The following SCN9A variants were observed in gnomAD, a reference collection of about 807,000 sequenced individuals.
SCN9A encodes the protein sodium voltage-gated channel alpha subunit 9.
A neutral mutation model predicts 187.0 loss-of-function variants in SCN9A; 131 were observed. That is an observed-to-expected ratio of 0.70 (90% CI 0.61 to 0.81). The LOEUF (loss-of-function observed/expected upper bound fraction) is 0.81. Ranked by LOEUF, SCN9A falls within the 30% of genes least tolerant of loss-of-function variation. SCN9A has a pLI of 0.00. For missense variants in SCN9A, 2,252 were observed against 2,396.6 expected, an observed-to-expected ratio of 0.94 and a Z score of 1.26; for synonymous variants, 809 against 808.6, an observed-to-expected ratio of 1.00 and a Z score of -0.01.
At chr2:166,224,514 A>T (rs1488027451) in intron 24 of SCN9A, among the ~76,000 whole-genome samples, 1 of 152,140 alleles carries the variant, frequency 6.6e-6, no homozygotes, top group Non-Finnish European at 1.5e-5. Flanking sequence ...GTCTCCAAAG[A>T]TCTCTTTTTG....
chr2:166,282,658 T>C (rs975216094), intron 12 of SCN9A, among the ~76,000 whole-genome samples: 34 of 152,248 alleles, frequency 2.2e-4, no homozygotes, highest in African/African-American at 7.7e-4. Flanking sequence ...GTATGTGGTA[T>C]ATATTTTAAA....
chr2:166,358,621 GGTTTATGGTA>G (rs1326195045), intron 1 of SCN9A, among the ~76,000 whole-genome samples: 1 of 151,658 alleles, frequency 6.6e-6, no homozygotes, highest in African/African-American at 2.4e-5. Context: ...TGTTTCTTTT[GGTTTATGGTA>G]GTTTATCTTT....
chr2:166,308,767 A>C (rs1698842111), intron 2 of SCN9A, among the ~76,000 whole-genome samples: 1 of 151,892 alleles, frequency 6.6e-6, no homozygotes, highest in Non-Finnish European at 1.5e-5. Flanking sequence ...CTAAAAATAC[A>C]AAAACAAAAT....
At chr2:166,351,967 G>A (rs1024563037) in intron 1 of SCN9A, among the ~76,000 whole-genome samples, 1 of 152,118 alleles carries the variant, frequency 6.6e-6, no homozygotes, top group Non-Finnish European at 1.5e-5. Flanking sequence ...GTAAGATACA[G>A]TAAAAAATGT....
chr2:166,269,377 G>T (rs1357431387), intron 17 of SCN9A, among the ~76,000 whole-genome samples: 1 of 151,918 alleles, frequency 6.6e-6, no homozygotes, highest in Non-Finnish European at 1.5e-5. Flanking sequence ...AAATTCTATA[G>T]CTGCATGGCT....
chr2:166,309,863 A>G (rs1698884363), intron 2 of SCN9A, among the ~76,000 whole-genome samples: 1 of 149,990 alleles, frequency 6.7e-6, no homozygotes, highest in Non-Finnish European at 1.5e-5. Context: ...CTACAAGGCT[A>G]CAGTAACCCA....
intron 24 of SCN9A, among the ~76,000 whole-genome samples, chr2:166,215,337 TAAAG>T (rs1162576806): frequency 2.0e-5 from 3 of 151,878 alleles, no homozygotes; most frequent in African/African-American, 4.8e-5. Context: ...ATGCCTACAT[TAAAG>T]AAAGAAGGAA....
At chr2:166,367,238 C>T (rs1574971137) in intron 1 of SCN9A, among the ~76,000 whole-genome samples, 1 of 152,148 alleles carries the variant, frequency 6.6e-6, no homozygotes. Flanking sequence ...TTCTCCATTT[C>T]AGAATAAACT....
At chr2:166,370,174 T>G (rs1319836621) in intron 1 of SCN9A, among the ~76,000 whole-genome samples, 1 of 149,308 alleles carries the variant, frequency 6.7e-6, no homozygotes, top group Non-Finnish European at 1.5e-5. Flanking sequence ...CCACATCCAG[T>G]GAAATTACCC....
chr2:166,275,595 A>AAAT (rs1553487447), intron 16 of SCN9A, among the ~76,000 whole-genome samples: 13 of 134,046 alleles, frequency 9.7e-5, no homozygotes, highest in African/African-American at 3.0e-4. Context: ...AAAAAAAAAA[A>AAAT]AATACACAAG....
intron 24 of SCN9A, among the ~76,000 whole-genome samples, chr2:166,211,528 CA>C (rs1484602428): frequency 1.9e-4 from 2 of 10,642 alleles, no homozygotes; most frequent in Non-Finnish European, 5.5e-4. Context: ...TTATATAAAT[CA>C]TTTATAATTC....
intron 1 of SCN9A, among the ~76,000 whole-genome samples, chr2:166,359,943 C>T (rs1001977649): frequency 2.0e-5 from 3 of 151,382 alleles, no homozygotes; most frequent in African/African-American, 7.2e-5. Context: ...GAAAGTTTGC[C>T]GGGCGTGGTG....
At chr2:166,246,911 G>A (rs1368391360) in intron 18 of SCN9A, among the ~76,000 whole-genome samples, 2 of 151,916 alleles carry the variant, frequency 1.3e-5, no homozygotes, top group South Asian at 4.1e-4. Flanking sequence ...GAGTGATGGA[G>A]CGCCTGTCTG....
At chr2:166,332,556 G>C (rs1559046441) in intron 1 of SCN9A, among the ~76,000 whole-genome samples, 1 of 152,108 alleles carries the variant, frequency 6.6e-6, no homozygotes, top group South Asian at 2.1e-4. Context: ...CTCAGAAGTA[G>C]TGATTTAAAA....
intron 24 of SCN9A, among the ~76,000 whole-genome samples, chr2:166,216,214 A>C (rs910747447): frequency 4.6e-5 from 7 of 152,134 alleles, no homozygotes; most frequent in Admixed American, 6.5e-5. Context: ...TCAACAAAGC[A>C]GATATGGAAG....
At chr2:166,372,425 A>G (rs1451616258) in intron 1 of SCN9A, among the ~76,000 whole-genome samples, 1 of 152,172 alleles carries the variant, frequency 6.6e-6, no homozygotes, top group Non-Finnish European at 1.5e-5. Flanking sequence ...GTCAGTGACT[A>G]TTGACTGGCC....
At chr2:166,314,329 G>A (rs746187360) in intron 1 of SCN9A, among the ~76,000 whole-genome samples, 1 of 152,130 alleles carries the variant, frequency 6.6e-6, no homozygotes, top group Non-Finnish European at 1.5e-5. Context: ...TATTTTGATG[G>A]AAACCAAAGT....
At chr2:166,311,913 G>A in intron 1 of SCN9A, 107 bp from the exon 2 acceptor site, 1 of 600,714 alleles carries the variant, frequency 1.7e-6, no homozygotes, top group Non-Finnish European at 2.7e-6. Context: ...AACTACAAAA[G>A]GTAACATGTT....
At chr2:166,206,939 C>T (rs1291491401) in intron 24 of SCN9A, among the ~76,000 whole-genome samples, 1 of 151,954 alleles carries the variant, frequency 6.6e-6, no homozygotes, top group African/African-American at 2.4e-5. Context: ...AAGGACTTTC[C>T]AATTGATTAC....
Sources: allele counts gnomAD v4.1 joint callset (sites outside exome capture counted in the v4.1 genomes callset), GRCh38; gene constraint gnomAD v4.1.1; transcripts MANE v1.5; gene names NCBI Gene and HGNC (gene_info 2026-07-23, HGNC 2026-07-21).